Variants in SPEF2 observed in about 807,000 individuals in gnomAD.
The protein encoded by SPEF2 is sperm flagella and cilia-associated protein 2.
A neutral mutation model predicts 224.6 loss-of-function variants in SPEF2; 187 were observed. The observed-to-expected ratio is 0.83, with a 90% CI of 0.74 to 0.94. The LOEUF is 0.94. Ranked by LOEUF, SPEF2 falls within the 40% of genes least tolerant of loss-of-function variation. The pLI, the probability that SPEF2 is intolerant of heterozygous loss-of-function variation, is 0.00. For synonymous variants in SPEF2, 715 were observed against 707.3 expected (o/e 1.01, Z -0.17); for missense variants, 2,170 against 2,135.6 (o/e 1.02, Z -0.32).
chr5:35,704,513 G>C (rs755235953), intron 16 of SPEF2, 41 bp from the exon 17 acceptor site: 1 of 1,396,848 alleles, frequency 7.2e-7, no homozygotes, highest in Non-Finnish European at 1.0e-6. Context: ...TAGCAACTTT[G>C]GTTTTGAAAA....
At chr5:35,721,205 T>G (rs1743604753) in intron 20 of SPEF2, among the ~76,000 whole-genome samples, 1 of 152,210 alleles carries the variant, frequency 6.6e-6, no homozygotes, top group African/African-American at 2.4e-5. Context: ...CTTTGAACCT[T>G]CAGCTTTTTC....
chr5:35,751,583 G>T (rs1209581837), intron 23 of SPEF2, among the ~76,000 whole-genome samples: 3 of 152,060 alleles, frequency 2.0e-5, no homozygotes, highest in Admixed American at 6.6e-5. Context: ...ATCAAGATCA[G>T]CTCTAAAATA....
At chr5:35,651,593 C>T (rs1252165919) in intron 6 of SPEF2, among the ~76,000 whole-genome samples, 1 of 152,198 alleles carries the variant, frequency 6.6e-6, no homozygotes, top group Non-Finnish European at 1.5e-5. Flanking sequence ...TACAATATAG[C>T]ACCCTTCTTA....
chr5:35,689,008 G>C (rs7444574), intron 10 of SPEF2, among the ~76,000 whole-genome samples: 1 of 151,676 alleles, frequency 6.6e-6, no homozygotes. Context: ...TCTGTATAAG[G>C]GTTATATTAG....
At chr5:35,797,744 T>C (rs78523711) in intron 33 of SPEF2, among the ~76,000 whole-genome samples, 3,067 of 152,298 alleles carry the variant, frequency 0.02, 76 homozygotes, top group South Asian at 0.054. Context: ...CAACAAAAGA[T>C]GTTTGTTTAC....
chr5:35,632,219 C>T (rs184843894), intron 2 of SPEF2, among the ~76,000 whole-genome samples: 13 of 152,106 alleles, frequency 8.5e-5, no homozygotes, highest in Non-Finnish European at 1.5e-4. Flanking sequence ...AATATATACC[C>T]GAGATTGGGC....
At chr5:35,631,294 C>T (rs1745084539) in intron 2 of SPEF2, among the ~76,000 whole-genome samples, 1 of 152,140 alleles carries the variant, frequency 6.6e-6, no homozygotes, top group Admixed American at 6.5e-5. Flanking sequence ...CAGTCATCTC[C>T]CACTGGGTTC....
At chr5:35,627,041 CAT>C (rs1188064807) in intron 1 of SPEF2, among the ~76,000 whole-genome samples, 2 of 151,724 alleles carry the variant, frequency 1.3e-5, no homozygotes, top group East Asian at 3.9e-4. Context: ...ACTGCAATGA[CAT>C]ATAATATTTT....
Position 35,693,368 on chromosome 5 carries a change from C to T in SPEF2, c.1899+644C>T, listed in dbSNP as rs188154843. On this transcript the variant is annotated intron_variant, in intron 12 of 36. Transcript: ENST00000356031. ...TGTTCAGAAACTGTATGAAAACTGT[C>T]GGCAGGCCTTTGTGGTCTATGAGCT... 1.6e-3 allele frequency among the ~76,000 whole-genome samples: 251 copies of T among 152,230 alleles called. 1 individual carries two copies. Among genetic ancestry groups the T allele is most frequent in the African/African-American group, 5.4e-3 (226 of 41,566 alleles).
At chr5:35,704,928 A>G (rs1370316817) in intron 17 of SPEF2, among the ~76,000 whole-genome samples, 2 of 152,112 alleles carry the variant, frequency 1.3e-5, no homozygotes, top group South Asian at 2.1e-4. Context: ...TAAGTTAATT[A>G]TATGGAATCC....
intron 10 of SPEF2, among the ~76,000 whole-genome samples, chr5:35,684,559 C>T (rs932819942): frequency 2.0e-5 from 3 of 152,152 alleles, no homozygotes; most frequent in Non-Finnish European, 2.9e-5. Flanking sequence ...CTGGATGTGG[C>T]GCTCTTACAT....
chr5:35,748,493 T>G (rs545904711), intron 23 of SPEF2, among the ~76,000 whole-genome samples: 1 of 152,024 alleles, frequency 6.6e-6, no homozygotes, highest in Non-Finnish European at 1.5e-5. Flanking sequence ...CAGGAGATAT[T>G]ACAACTGACA....
chr5:35,752,664 C>CTTATTAAACAATAAATATTTCATTGCAA (rs1205807293), intron 23 of SPEF2, among the ~76,000 whole-genome samples: 39 of 86 alleles, frequency 0.45, 9 homozygotes, highest in Middle Eastern at 1. Flanking sequence ...ATTAATGGGA[C>CTTATTAAACAATAAATATTTCATTGCAA]TGAAGCCTAA....
At chr5:35,721,026 A>T (rs1302381919) in intron 20 of SPEF2, among the ~76,000 whole-genome samples, 1 of 152,220 alleles carries the variant, frequency 6.6e-6, no homozygotes, top group African/African-American at 2.4e-5. Flanking sequence ...ATATCCCTTT[A>T]CAAATTTTGC....
chr5:35,746,611 A>C (rs116299613), intron 23 of SPEF2, among the ~76,000 whole-genome samples: 2,186 of 125,042 alleles, frequency 0.017, 17 homozygotes, highest in Non-Finnish European at 0.025. Context: ...AACCCAATCC[A>C]ACAAAGACAA....
At chr5:35,654,508 T>G in intron 6 of SPEF2, 32 bp from the exon 7 acceptor site, 1 of 1,501,088 alleles carries the variant, frequency 6.7e-7, no homozygotes, top group Non-Finnish European at 8.9e-7. Flanking sequence ...CATTATTATT[T>G]AAAAATCTAA....
chr5:35,733,740 G>C (rs1418144202), intron 21 of SPEF2, among the ~76,000 whole-genome samples: 1 of 151,868 alleles, frequency 6.6e-6, no homozygotes, highest in Non-Finnish European at 1.5e-5. Flanking sequence ...TAACATGTTG[G>C]AATAATTTTC....
At chr5:35,722,313 C>G (rs1364345744) in intron 20 of SPEF2, among the ~76,000 whole-genome samples, 2 of 151,710 alleles carry the variant, frequency 1.3e-5, no homozygotes, top group African/African-American at 4.8e-5. Flanking sequence ...CAGGGAGCAT[C>G]GGGGAGCTGA....
At chr5:35,793,583 A>G (rs1756244660) in intron 32 of SPEF2, among the ~76,000 whole-genome samples, 2 of 152,210 alleles carry the variant, frequency 1.3e-5, no homozygotes. Flanking sequence ...TTCTGAAAGC[A>G]GTTACATAAA....
Sources: allele counts gnomAD v4.1 joint callset (sites outside exome capture counted in the v4.1 genomes callset), GRCh38; gene constraint gnomAD v4.1.1; transcripts MANE v1.5; gene names NCBI Gene and HGNC (gene_info 2026-07-23, HGNC 2026-07-21).